Variants in LRP1B observed in about 807,000 individuals in gnomAD.
The protein encoded by LRP1B is LDL receptor related protein 1B.
A neutral mutation model predicts 556.6 loss-of-function variants in LRP1B; 217 were observed. That is an observed-to-expected ratio of 0.39 (90% CI 0.35 to 0.44). LRP1B has a LOEUF of 0.44. Ranked by LOEUF, LRP1B falls within the 20% of genes least tolerant of loss-of-function variation. LRP1B has a pLI of 1.00. For missense variants in LRP1B, 5,053 were observed against 5,620.8 expected (o/e 0.90, Z 3.23); for synonymous variants, 2,047 against 1,865.8 (o/e 1.10, Z -2.50).
chr2:140,570,298 GA>G (rs201206913), intron 43 of LRP1B, among the ~76,000 whole-genome samples: 39 of 145,904 alleles, frequency 2.7e-4, no homozygotes, highest in African/African-American at 8.3e-4. Flanking sequence ...GGGTAACCAG[GA>G]AAAAAAAACA....
At chr2:141,989,807 A>T (rs1039663817) in intron 1 of LRP1B, among the ~76,000 whole-genome samples, 1 of 152,116 alleles carries the variant, frequency 6.6e-6, no homozygotes, top group African/African-American at 2.4e-5. Flanking sequence ...AGCCATGGGG[A>T]AGTGTAAGTC....
chr2:140,846,816 A>T (rs10177475), intron 29 of LRP1B, among the ~76,000 whole-genome samples: 20,408 of 152,180 alleles, frequency 0.13, 1,599 homozygotes, highest in African/African-American at 0.21. Context: ...AGATGAAAGG[A>T]TAAAACAAAG....
intron 5 of LRP1B, among the ~76,000 whole-genome samples, chr2:141,233,823 T>C (rs1045492064): frequency 4.6e-5 from 7 of 152,066 alleles, no homozygotes; most frequent in Non-Finnish European, 5.9e-5. Context: ...TGAATTCATA[T>C]ACTTACAAAT....
At chr2:141,976,238 C>A (rs937183902) in intron 1 of LRP1B, among the ~76,000 whole-genome samples, 1 of 151,916 alleles carries the variant, frequency 6.6e-6, no homozygotes, top group Non-Finnish European at 1.5e-5. Context: ...ATCTGAGACA[C>A]CTTTTGGCAA....
chr2:142,071,641 A>G (rs1705315061), intron 1 of LRP1B, among the ~76,000 whole-genome samples: 1 of 151,988 alleles, frequency 6.6e-6, no homozygotes, highest in Non-Finnish European at 1.5e-5. Context: ...ACAGAGGCAA[A>G]GTTGAGTATT....
Position 141,112,262 on chromosome 2 carries a change from T to G in LRP1B, c.1014-49989A>C, listed in dbSNP as rs1385601717. On this transcript the variant is annotated intron_variant, in intron 7 of 90. Coordinates refer to ENST00000389484, the MANE Select transcript of LRP1B (RefSeq NM_018557.3). ...ATGCTCAGAAATCAAAAATTTGAGT[T>G]GCCTGCTGCCCATTTTCCCTGCTGA... Among the ~76,000 whole-genome samples the G allele has an allele frequency of 3.3e-5, 5 of 152,108 alleles. No individual in the cohort carries two copies. The East Asian group carries it at 9.7e-4, about 29-fold the overall frequency.
chr2:141,739,413 T>C (rs1693614921), intron 2 of LRP1B, among the ~76,000 whole-genome samples: 1 of 152,016 alleles, frequency 6.6e-6, no homozygotes, highest in South Asian at 2.1e-4. Context: ...AAAATGGGGA[T>C]TCGTGATCTT....
chr2:140,909,049 C>T (rs201690534), intron 21 of LRP1B, among the ~76,000 whole-genome samples: 2 of 152,186 alleles, frequency 1.3e-5, no homozygotes. Flanking sequence ...TCCACTGCCT[C>T]AACCTCCCAA....
chr2:140,349,831 G>C (rs1417479539), intron 77 of LRP1B, among the ~76,000 whole-genome samples: 1 of 152,092 alleles, frequency 6.6e-6, no homozygotes, highest in Non-Finnish European at 1.5e-5. Flanking sequence ...TTACTCAAAG[G>C]TTTCATCTAA....
chr2:141,467,839 C>CGGGGGGGG (rs1193797469), intron 3 of LRP1B, among the ~76,000 whole-genome samples: 19 of 57,098 alleles, frequency 3.3e-4, no homozygotes, highest in East Asian at 2.5e-3. Context: ...GTTTGCGGAC[C>CGGGGGGGG]GGGGGGGGGG....
At chr2:141,774,558 T>A (rs1042098196) in intron 2 of LRP1B, among the ~76,000 whole-genome samples, 1 of 152,250 alleles carries the variant, frequency 6.6e-6, no homozygotes. Context: ...AACATGAGAT[T>A]TGAAGGAAAC....
intron 10 of LRP1B, among the ~76,000 whole-genome samples, chr2:141,053,668 A>C (rs1009970761): frequency 6.6e-6 from 1 of 151,926 alleles, no homozygotes; most frequent in African/African-American, 2.4e-5. Context: ...ATTTACATTA[A>C]ATCTCTTGTT....
intron 3 of LRP1B, among the ~76,000 whole-genome samples, chr2:141,261,791 A>C (rs1170117173): frequency 2.0e-5 from 3 of 152,184 alleles, no homozygotes; most frequent in Non-Finnish European, 4.4e-5. Context: ...TCATTTCACA[A>C]GTAACACACA....
At chr2:140,437,502 A>G (rs550393392) in intron 66 of LRP1B, among the ~76,000 whole-genome samples, 127 of 152,340 alleles carry the variant, frequency 8.3e-4, no homozygotes, top group African/African-American at 3.0e-3. Flanking sequence ...AATTTGGGAA[A>G]TACTGATTAA....
chr2:141,216,178 G>A (rs1175892705), intron 6 of LRP1B, among the ~76,000 whole-genome samples: 1 of 152,146 alleles, frequency 6.6e-6, no homozygotes, highest in Non-Finnish European at 1.5e-5. Context: ...AGCCACTACA[G>A]CACCAGCCAG....
At chr2:141,822,727 C>T (rs1031997754) in intron 1 of LRP1B, among the ~76,000 whole-genome samples, 1 of 152,034 alleles carries the variant, frequency 6.6e-6, no homozygotes, top group African/African-American at 2.4e-5. Context: ...TCCTTGTTCC[C>T]TATTTTAAAA....
chr2:140,892,970 A>T (rs1693843691), intron 23 of LRP1B, among the ~76,000 whole-genome samples: 1 of 152,156 alleles, frequency 6.6e-6, no homozygotes, highest in Non-Finnish European at 1.5e-5. Context: ...GAATATATGA[A>T]CTACATTGAA....
intron 1 of LRP1B, among the ~76,000 whole-genome samples, chr2:142,099,159 G>A (rs1367280533): frequency 1.3e-5 from 2 of 151,798 alleles, no homozygotes; most frequent in Non-Finnish European, 2.9e-5. Flanking sequence ...TTTCACATCT[G>A]TAATGCTGGG....
chr2:141,238,510 C>G (rs1354800585), intron 5 of LRP1B, among the ~76,000 whole-genome samples: 1 of 152,074 alleles, frequency 6.6e-6, no homozygotes, highest in African/African-American at 2.4e-5. Flanking sequence ...TTGAGCCTGG[C>G]TAGCTTCTGC....
Sources: gnomAD v4.1 joint callset for allele counts (sites outside exome capture counted in the v4.1 genomes callset) on GRCh38, gnomAD v4.1.1 for gene constraint, MANE v1.5 for transcripts, NCBI Gene and HGNC (gene_info 2026-07-23, HGNC 2026-07-21) for gene names.